USP24: variants seen among roughly 807,000 people sequenced by gnomAD.
USP24 encodes the protein ubiquitin carboxyl-terminal hydrolase 24.
USP24 carries 97 observed loss-of-function variants against 361.6 expected under a neutral mutation model. The ratio of observed to expected loss-of-function variants is 0.27; its 90% CI spans 0.23 to 0.32. USP24 has a LOEUF of 0.32. Among genes scored for constraint, USP24 ranks in the 10% least tolerant of loss-of-function variants. The probability of loss-of-function intolerance (pLI) is 1.00; values close to 1 mark genes in which losing one functional copy is unlikely to be tolerated. For synonymous variants in USP24, 1,098 were observed against 1,124.6 expected, an observed-to-expected ratio of 0.98 and a Z score of 0.47; for missense variants, 2,353 against 3,165.6, an observed-to-expected ratio of 0.74 and a Z score of 6.16.
intron 38 of USP24, among the ~76,000 whole-genome samples, chr1:55,116,398 G>C (rs897901387): frequency 1.3e-5 from 2 of 149,614 alleles, no homozygotes; most frequent in African/African-American, 2.4e-5. Flanking sequence ...TGAATGAAAA[G>C]ATGAACAAAA....
At chr1:55,075,125 G>A (rs1273733098) in intron 63 of USP24, among the ~76,000 whole-genome samples, 1 of 151,960 alleles carries the variant, frequency 6.6e-6, no homozygotes. Context: ...TCTCCCCAGT[G>A]GCTACAGAGT....
At chr1:55,148,897 T>C (rs1212656389) in intron 16 of USP24, among the ~76,000 whole-genome samples, 1 of 152,216 alleles carries the variant, frequency 6.6e-6, no homozygotes. Context: ...TGCTAAGTCA[T>C]GTTGACACAA....
intron 1 of USP24, among the ~76,000 whole-genome samples, chr1:55,212,789 G>A (rs1406072018): frequency 2.0e-5 from 3 of 152,162 alleles, no homozygotes; most frequent in Non-Finnish European, 4.4e-5. Flanking sequence ...AGTAAACGGT[G>A]CAGCTTCCCT....
chr1:55,182,259 C>A (rs552740818), intron 1 of USP24, among the ~76,000 whole-genome samples: 4 of 152,110 alleles, frequency 2.6e-5, no homozygotes, highest in Non-Finnish European at 5.9e-5. Flanking sequence ...ACCATGTTGG[C>A]CAGGATGGTC....
chr1:55,156,993 A>C lies in USP24; in HGVS notation c.1401T>G (p.Gly467=). Residue 467 remains glycine, a synonymous_variant, in exon 12 of 68, where the codon GGT becomes GGG. Transcript: ENST00000294383. The stretch of plus-strand genomic sequence containing the variant: ...TGAGTTCATCTAACGACAATTTACT[A>C]CCCAAGAGTTCAATAATTCCCTTTA... The part of the protein sequence containing the change: ...DRIKGIIELL[G]SKLSLDELTK... 6.2e-7 allele frequency: 1 copy of C among 1,613,200 alleles called. No homozygotes were observed.
At chr1:55,092,331 T>C (rs954597739) in intron 53 of USP24, among the ~76,000 whole-genome samples, 3 of 152,244 alleles carry the variant, frequency 2.0e-5, no homozygotes, top group African/African-American at 7.2e-5. Flanking sequence ...GAAAAGACAT[T>C]GTCTTCATTT....
At chr1:55,214,435 G>A (rs1644930070) in intron 1 of USP24, among the ~76,000 whole-genome samples, 1 of 151,464 alleles carries the variant, frequency 6.6e-6, no homozygotes. Context: ...CCCACTATAT[G>A]CTCAAGTGTC....
intron 55 of USP24, among the ~76,000 whole-genome samples, chr1:55,087,256 T>A (rs1645271826): frequency 6.6e-6 from 1 of 152,168 alleles, no homozygotes; most frequent in South Asian, 2.1e-4. Flanking sequence ...TGATTGGTCT[T>A]TATAAAGAAA....
In USP24 at chr1:55,107,179, G is replaced by A. The variant is rs1332302929; in HGVS notation, c.4762+60C>T. 3.9e-6 allele frequency: 6 copies of A among 1,551,694 alleles called. No individual in the cohort carries two copies. In the African/African-American group the frequency reaches 6.8e-5, roughly 18 times the overall value. On this transcript the variant is annotated intron_variant, in intron 40 of 67. Transcript: ENST00000294383. The stretch of plus-strand genomic sequence containing the variant: ...TATCTTATTTTCCCACTTACACACA[G>A]TACTGGCAATAACCGAGCACTGAAG...
intron 11 of USP24, 97 bp from the exon 12 acceptor site, chr1:55,157,148 C>T (rs1202162552): frequency 7.4e-7 from 1 of 1,355,662 alleles, no homozygotes; most frequent in African/African-American, 1.5e-5. Flanking sequence ...ACTATAAGAT[C>T]ATTTAAAGAC....
At chr1:55,148,778 C>A (rs1286999616) in intron 16 of USP24, among the ~76,000 whole-genome samples, 1 of 152,190 alleles carries the variant, frequency 6.6e-6, no homozygotes, top group Non-Finnish European at 1.5e-5. Context: ...AAGCTAAGAA[C>A]TGCAAACAGG....
Position 55,121,485 on chromosome 1 carries a change from C to T in USP24, c.4298G>A (p.Cys1433Tyr). 1 of 1,613,672 alleles carries T rather than the reference C, an allele frequency of 6.2e-7. No homozygotes were observed. The highest frequency in any genetic ancestry group is 8.5e-7 in the Non-Finnish European group (1 of 1,179,752). The change falls in exon 37 of 68, where the codon TGT becomes TAT. Residue 1433 changes from cysteine to tyrosine, a missense_variant. Physicochemically the swap from Cys to Tyr is radical, Grantham distance 194. Around this residue, in one of 8 missense-constraint regions of USP24, gnomAD observed 949 missense variants for 1,280.5 expected, o/e 0.74. Transcript: ENST00000294383. ...AATATCAATGATGAAATCAGCAACACAGGGCAAGTTATAGAAAGATGCTAA... is the reference window on the plus strand; with the variant it reads ...AATATCAATGATGAAATCAGCAACATAGGGCAAGTTATAGAAAGATGCTAA... ...QQLASFYNLP[C>Y]VADFIIDILL...
At chr1:55,106,822 T>C (rs956387162) in intron 40 of USP24, among the ~76,000 whole-genome samples, 1 of 152,148 alleles carries the variant, frequency 6.6e-6, no homozygotes, top group African/African-American at 2.4e-5. Flanking sequence ...ACAAATTACA[T>C]GTGTACCCTA....
At chr1:55,086,129 A>G in intron 55 of USP24, 91 bp from the exon 56 acceptor site, 1 of 1,241,078 alleles carries the variant, frequency 8.1e-7, no homozygotes, top group Non-Finnish European at 1.2e-6. Flanking sequence ...TAGCCAAGAA[A>G]CAAAAGTAGA....
chr1:55,161,358 C>T (rs1206414570), intron 8 of USP24, among the ~76,000 whole-genome samples: 4 of 145,874 alleles, frequency 2.7e-5, no homozygotes, highest in Admixed American at 7.0e-5. Context: ...GGCAACAGAG[C>T]GAGACTCTGT....
intron 3 of USP24, among the ~76,000 whole-genome samples, chr1:55,173,425 G>A (rs1261667871): frequency 6.6e-6 from 1 of 152,094 alleles, no homozygotes; most frequent in Non-Finnish European, 1.5e-5. Flanking sequence ...GAAATTGAAT[G>A]CCCTTAATTC....
Position 55,073,915 on chromosome 1 carries a change from A to G in USP24, c.7448-9T>C. On this transcript the variant is annotated splice_polypyrimidine_tract_variant and intron_variant, in intron 63 of 67. Transcript: ENST00000294383. ...ACTGTGGTGCATCAAAGCTGAGGGA[A>G]GAGAAAAGGACATTTTAACAATAAA... The G allele has an allele frequency of 6.4e-7, 1 of 1,562,322 alleles. No homozygotes were observed. Among genetic ancestry groups the G allele is most frequent in the South Asian group, 1.2e-5 (1 of 84,468 alleles).
At chr1:55,213,714 A>G (rs541908852) in intron 1 of USP24, among the ~76,000 whole-genome samples, 62 of 152,326 alleles carry the variant, frequency 4.1e-4, no homozygotes, top group Admixed American at 2.7e-3. Context: ...CAAAGTAATT[A>G]TTCAAAAGCA....
intron 38 of USP24, among the ~76,000 whole-genome samples, chr1:55,114,277 T>C (rs1431034189): frequency 6.6e-6 from 1 of 152,198 alleles, no homozygotes; most frequent in African/African-American, 2.4e-5. Flanking sequence ...TCCATGCTCG[T>C]GCCCAGGAAG....
Sources: gnomAD v4.1 joint callset for allele counts (sites outside exome capture counted in the v4.1 genomes callset) on GRCh38, gnomAD v4.1.1 for gene constraint, gnomAD v4.1.1 regional missense constraint, MANE v1.5 for transcripts, NCBI Gene and HGNC (gene_info 2026-07-23, HGNC 2026-07-21) for gene names.